ITGA8: variants seen among roughly 807,000 people sequenced by gnomAD.
ITGA8 encodes the protein integrin alpha-8.
A neutral mutation model predicts 142.3 loss-of-function variants in ITGA8; 91 were observed. That is an observed-to-expected ratio of 0.64 (90% confidence interval 0.54 to 0.76). The LOEUF (loss-of-function observed/expected upper bound fraction) is 0.76, where lower values mean the gene tolerates loss of function less well. ITGA8 is among the 30% of genes least tolerant of loss of function. The probability of loss-of-function intolerance (pLI) is 0.00; values close to 1 mark genes in which losing one functional copy is unlikely to be tolerated. For synonymous variants in ITGA8, 505 were observed against 485.2 expected, an observed-to-expected ratio of 1.04 and a Z score of -0.54; for missense variants, 1,406 against 1,327.7, an observed-to-expected ratio of 1.06 and a Z score of -0.92.
chr10:15,586,811 C>T (rs538985914), intron 22 of ITGA8, 147 bp from the exon 23 acceptor site: 9 of 545,544 alleles, frequency 1.6e-5, no homozygotes, highest in East Asian at 1.5e-4. Context: ...TCTCCAAAAT[C>T]GTAACCATTT....
chr10:15,644,433 AATATATATATATATATATATATATAT>A (rs57868499), intron 12 of ITGA8, among the ~76,000 whole-genome samples: 13,159 of 42,240 alleles, frequency 0.31, 2,000 homozygotes, highest in South Asian at 0.37. Context: ...ATGTCAGGCT[AATATATATATATATATATATATATAT>A]ATATATATAT....
intron 10 of ITGA8, among the ~76,000 whole-genome samples, chr10:15,657,628 C>G (rs1364799943): frequency 6.7e-6 from 1 of 148,872 alleles, no homozygotes; most frequent in East Asian, 2.0e-4. Context: ...CCTGGGATTA[C>G]AGGTATGAGC....
Position 15,673,115 on chromosome 10 carries a change from G to A in ITGA8, c.677-366C>T, listed in dbSNP as rs553276096. Among the ~76,000 whole-genome samples, 26 of 152,172 alleles carry A rather than the reference G, an allele frequency of 1.7e-4. 2 individuals carry two copies. The East Asian group carries it at 2.3e-3, about 14-fold the overall frequency. On this transcript the variant is annotated intron_variant, in intron 6 of 29. Transcript: ENST00000378076. ...TTTTTGTTTTTTGGGACAGAGTCTC[G>A]CACTATTGCCTGGGCTGGAGTGCAA... is the stretch of plus-strand genomic sequence containing the variant.
chr10:15,559,791 G>C (rs1439400590), intron 25 of ITGA8, among the ~76,000 whole-genome samples: 1 of 147,894 alleles, frequency 6.8e-6, no homozygotes, highest in African/African-American at 2.5e-5. Context: ...CATGGACACA[G>C]GGAGGGGTAC....
intron 2 of ITGA8, among the ~76,000 whole-genome samples, chr10:15,712,490 A>G (rs893363471): frequency 2.0e-5 from 3 of 152,226 alleles, no homozygotes; most frequent in Non-Finnish European, 4.4e-5. Context: ...AATCCCAGCT[A>G]CTTGGGAGGC....
intron 23 of ITGA8, among the ~76,000 whole-genome samples, chr10:15,577,787 C>T (rs2131585162): frequency 6.6e-6 from 1 of 152,180 alleles, no homozygotes; most frequent in African/African-American, 2.4e-5. Flanking sequence ...GATAAACAGC[C>T]AGTGTGGTCA....
chr10:15,519,436 G>A (rs768575899), intron 28 of ITGA8, 24 bp from the exon 29 acceptor site: 4 of 1,612,080 alleles, frequency 2.5e-6, no homozygotes, highest in Admixed American at 1.7e-5. Flanking sequence ...CAAAGCAAAT[G>A]AGCTCTAATG....
intron 22 of ITGA8, among the ~76,000 whole-genome samples, chr10:15,591,710 T>G (rs1832926112): frequency 6.6e-6 from 1 of 152,196 alleles, no homozygotes; most frequent in African/African-American, 2.4e-5. Context: ...CCTATATGGC[T>G]CTGCTTATCA....
At chr10:15,531,708 C>A (rs1833298441) in intron 27 of ITGA8, among the ~76,000 whole-genome samples, 1 of 151,898 alleles carries the variant, frequency 6.6e-6, no homozygotes, top group South Asian at 2.1e-4. Context: ...GAGGCCGAGG[C>A]CGGTGGATCC....
At chr10:15,595,052 C>G (rs887159965) in intron 21 of ITGA8, among the ~76,000 whole-genome samples, 2 of 152,024 alleles carry the variant, frequency 1.3e-5, no homozygotes, top group Non-Finnish European at 2.9e-5. Context: ...AAAATTTTCC[C>G]ATGAGAAAAT....
chr10:15,655,525 G>C, intron 10 of ITGA8, 119 bp from the exon 11 acceptor site: 1 of 749,882 alleles, frequency 1.3e-6, no homozygotes, highest in South Asian at 1.7e-5. Flanking sequence ...GAAATTCATA[G>C]ATTCTTCGAA....
chr10:15,565,677 T>C (rs78044830), intron 25 of ITGA8, among the ~76,000 whole-genome samples: 23,015 of 143,520 alleles, frequency 0.16, 2,043 homozygotes, highest in Admixed American at 0.21. Context: ...GCAACCTCTG[T>C]CTCCCGGGTT....
intron 2 of ITGA8, among the ~76,000 whole-genome samples, chr10:15,700,692 A>T (rs971854677): frequency 1.3e-5 from 2 of 152,230 alleles, no homozygotes; most frequent in Non-Finnish European, 2.9e-5. Context: ...AATATCCAGA[A>T]TCTACAAAGA....
chr10:15,622,106 G>A (rs2010955), intron 13 of ITGA8, among the ~76,000 whole-genome samples: 103,661 of 152,074 alleles, frequency 0.68, 36,642 homozygotes, highest in South Asian at 0.86. Context: ...TGCAGTCAGC[G>A]AGATCATGCC....
At chr10:15,547,139 G>A (rs565402909) in intron 27 of ITGA8, among the ~76,000 whole-genome samples, 5 of 152,012 alleles carry the variant, frequency 3.3e-5, no homozygotes, top group East Asian at 1.9e-4. Context: ...ATGTGTAGAC[G>A]TGGTAAGAGT....
rs61737958 is a variant in ITGA8, at chr10:15,677,612, G to A, written c.656C>T (p.Pro219Leu). The change falls in exon 6 of 30, where the codon CCT becomes CTT. Residue 219 changes from proline (P) to leucine (L), a missense_variant. Physicochemically the swap from Pro to Leu is moderately conservative, Grantham distance 98 (BLOSUM62 -3). Transcript: ENST00000378076. ...CATACCTTGCCAGTAGAAACTCCCA[G>A]GTCCTCCCACAATAAGGTCTCCATT... ...YKNGDLIVGG[P>L]GSFYWQGQVI... 9 of 1,613,224 alleles carry A rather than the reference G, an allele frequency of 5.6e-6. No homozygotes were observed. In the Admixed American group the frequency reaches 6.7e-5, roughly 12 times the overall value.
At chr10:15,655,252 C>T (rs1834160970) in intron 11 of ITGA8, 102 bp downstream of exon 11, 1 of 743,036 alleles carries the variant, frequency 1.3e-6, no homozygotes, top group Admixed American at 2.6e-5. Context: ...GAGCCTCTAT[C>T]TTGTTGAGGC....
chr10:15,548,544 G>C lies in ITGA8; in HGVS notation c.2791C>G (p.Gln931Glu). The C allele has an allele frequency of 6.2e-7, 1 of 1,610,408 alleles. No homozygotes were observed. The highest frequency in any genetic ancestry group is 1.1e-5 in the South Asian group (1 of 90,420). ...AGTCGTCCCACTGCACAGGAGATTT[G>C]TAAACACTCGATATTTGTACAATTC... ...ILNCTNIECL[Q>E]ISCAVGRLEG... is the part of the protein sequence containing the mutation. The change falls in exon 27 of 30, where the codon CAA becomes GAA. Residue 931 changes from glutamine (Q) to glutamate (E), a missense_variant. Transcript: ENST00000378076.
At chr10:15,700,330 C>T (rs1405268007) in intron 2 of ITGA8, among the ~76,000 whole-genome samples, 1 of 152,174 alleles carries the variant, frequency 6.6e-6, no homozygotes, top group Admixed American at 6.5e-5. Context: ...ATCTCAGCAT[C>T]TCCTGCCTCC....
Sources: allele counts gnomAD v4.1 joint callset (sites outside exome capture counted in the v4.1 genomes callset), GRCh38; gene constraint gnomAD v4.1.1; transcripts MANE v1.5; gene names NCBI Gene and HGNC (gene_info 2026-07-23, HGNC 2026-07-21).